FHOD3: variants seen among roughly 807,000 people sequenced by gnomAD.
FHOD3 encodes formin homology 2 domain containing 3, also known as FH1/FH2 domain-containing protein 3.
A neutral mutation model predicts 173.0 loss-of-function variants in FHOD3; 90 were observed. That is an observed-to-expected ratio of 0.52 (90% confidence interval 0.44 to 0.62). The LOEUF (loss-of-function observed/expected upper bound fraction) is 0.62. Among genes scored for constraint, FHOD3 ranks in the 20% least tolerant of loss-of-function variants. The pLI is 0.00. For synonymous variants in FHOD3, 828 were observed against 823.0 expected (o/e 1.01, Z -0.10); for missense variants, 1,945 against 2,034.7 (o/e 0.96, Z 0.85).
chr18:36,568,169 CA>C (rs111808600), intron 5 of FHOD3, among the ~76,000 whole-genome samples: 1,132 of 49,910 alleles, frequency 0.023, 14 homozygotes, highest in African/African-American at 0.058. Flanking sequence ...ACTAAAAATA[CA>C]AAAAAAAAAA....
At chr18:36,618,578 C>T (rs773509560) in intron 9 of FHOD3, among the ~76,000 whole-genome samples, 1 of 152,124 alleles carries the variant, frequency 6.6e-6, no homozygotes, top group Non-Finnish European at 1.5e-5. Context: ...TCCCAAAGTA[C>T]TAGGATTACA....
chr18:36,702,519 G>T (rs1383111454), intron 17 of FHOD3, among the ~76,000 whole-genome samples: 1 of 152,180 alleles, frequency 6.6e-6, no homozygotes, highest in East Asian at 1.9e-4. Context: ...TCTGAGCTGG[G>T]GAGGTCCCTG....
At chr18:36,560,029 C>T (rs987164865) in intron 5 of FHOD3, among the ~76,000 whole-genome samples, 35 of 152,182 alleles carry the variant, frequency 2.3e-4, no homozygotes, top group Non-Finnish European at 1.6e-4. Flanking sequence ...ACTCCACATG[C>T]AGCAGACTTT....
At chr18:36,334,842 G>A (rs1336226590) in intron 1 of FHOD3, among the ~76,000 whole-genome samples, 1 of 152,242 alleles carries the variant, frequency 6.6e-6, no homozygotes, top group Non-Finnish European at 1.5e-5. Flanking sequence ...GAGGGAAAGA[G>A]GGAATCGTCC....
At chr18:36,398,663 A>G (rs573694217) in intron 3 of FHOD3, among the ~76,000 whole-genome samples, 36 of 152,318 alleles carry the variant, frequency 2.4e-4, no homozygotes, top group Non-Finnish European at 4.3e-4. Context: ...TGCCCTGTGC[A>G]TGCCTAGGCA....
At chr18:36,379,063 C>T (rs929193006) in intron 3 of FHOD3, among the ~76,000 whole-genome samples, 1 of 152,122 alleles carries the variant, frequency 6.6e-6, no homozygotes, top group Non-Finnish European at 1.5e-5. Flanking sequence ...TGATATATAA[C>T]TCGGGATTGA....
chr18:36,419,063 A>G lies in FHOD3; in HGVS notation c.337+46319A>G, dbSNP rs188021946. ...TGTATGGTTCTAAAAAGAACTTACA[A>G]GGTTAAAATCATGGTCTATTACTTT... On this transcript the variant is annotated intron_variant, in intron 3 of 28. Coordinates refer to ENST00000590592, the MANE Select transcript of FHOD3 (RefSeq NM_001281740.3). 8.4e-3 allele frequency among the ~76,000 whole-genome samples: 1,281 copies of G among 151,762 alleles called. 14 individuals are homozygous for G. The highest frequency in any genetic ancestry group is 0.03 in the African/African-American group (1,237 of 41,100).
Position 36,442,082 on chromosome 18 carries a change from A to T in FHOD3, c.338-59850A>T, listed in dbSNP as rs375272082. On this transcript the variant is annotated intron_variant, in intron 3 of 28. Transcript: ENST00000590592. ...CACAATTTAGAAGTGTCATTGCCAA[A>T]GACTGGAATACTTAGGAACTTCCAG... Among the ~76,000 whole-genome samples, 305 of 152,330 alleles carry T rather than the reference A, an allele frequency of 2.0e-3. 4 individuals are homozygous for T. Among genetic ancestry groups the T allele is most frequent in the African/African-American group, 6.7e-3 (277 of 41,580 alleles).
In FHOD3 at chr18:36,747,019, G is replaced by A. The variant is rs16968267; in HGVS notation, c.4116G>A (p.Lys1372=). The A allele has an allele frequency of 2.9e-3, 4,733 of 1,613,978 alleles. 113 individuals are homozygous for A. In the African/African-American group the frequency reaches 0.056, roughly 19 times the overall value. The part of the protein sequence containing the change: ...RRCKASWDHL[K]AIAKHEMKPV... ...GCAAAGCTTCATGGGATCACCTCAAGGCAATTGCAAAACATGAAATGAAAC... is the reference window on the plus strand; with the variant it reads ...GCAAAGCTTCATGGGATCACCTCAAAGCAATTGCAAAACATGAAATGAAAC... Residue 1372 remains lysine (K), a synonymous_variant, in exon 24 of 29, where the codon AAG becomes AAA. Transcript: ENST00000590592.
chr18:36,605,897 A>T lies in FHOD3; in HGVS notation c.813+3129A>T, dbSNP rs73431692. Among the ~76,000 whole-genome samples the T allele has an allele frequency of 5.9e-3, 903 of 152,332 alleles. 4 individuals carry two copies. Among genetic ancestry groups the T allele is most frequent in the African/African-American group, 0.02 (816 of 41,582 alleles). ...AAATAAAGGCCCCTAATAACATGGA[A>T]TTTTTAAAAATGGACATTTCCATGA... On this transcript the variant is annotated intron_variant, in intron 8 of 28. Transcript: ENST00000590592.
chr18:36,654,373 C>T (rs9807317), intron 13 of FHOD3, among the ~76,000 whole-genome samples: 2,426 of 152,174 alleles, frequency 0.016, 64 homozygotes, highest in African/African-American at 0.055. Context: ...TTGAAGTTTC[C>T]CTCCAAGTTT....
chr18:36,467,460 A>C (rs961577631), intron 3 of FHOD3, among the ~76,000 whole-genome samples: 1 of 152,108 alleles, frequency 6.6e-6, no homozygotes, highest in African/African-American at 2.4e-5. Flanking sequence ...GAAGCTCTCC[A>C]GCTTGGGGTC....
At chr18:36,467,618 G>A (rs900954743) in intron 3 of FHOD3, among the ~76,000 whole-genome samples, 2 of 152,142 alleles carry the variant, frequency 1.3e-5, no homozygotes, top group African/African-American at 4.8e-5. Flanking sequence ...AGAGCTGGGT[G>A]AAAGGTCACA....
At chr18:36,443,850 T>G (rs996898107) in intron 3 of FHOD3, among the ~76,000 whole-genome samples, 1 of 152,224 alleles carries the variant, frequency 6.6e-6, no homozygotes, top group Non-Finnish European at 1.5e-5. Flanking sequence ...CCCTTTTATT[T>G]GTAGCTCCTC....
At chr18:36,683,002 T>C (rs866359195) in intron 15 of FHOD3, among the ~76,000 whole-genome samples, 1 of 152,238 alleles carries the variant, frequency 6.6e-6, no homozygotes, top group Admixed American at 6.5e-5. Context: ...ATGCCAAGTC[T>C]TTGAAATGCT....
intron 3 of FHOD3, among the ~76,000 whole-genome samples, chr18:36,464,358 C>T (rs1034744836): frequency 1.3e-5 from 2 of 152,114 alleles, no homozygotes; most frequent in South Asian, 2.1e-4. Context: ...AAAATTATTC[C>T]AGAAAATGCT....
intron 20 of FHOD3, among the ~76,000 whole-genome samples, chr18:36,738,225 A>G (rs1307510568): frequency 1.3e-5 from 2 of 152,210 alleles, no homozygotes; most frequent in Non-Finnish European, 2.9e-5. Flanking sequence ...TTATATATTC[A>G]CTGCTCAAGA....
intron 3 of FHOD3, among the ~76,000 whole-genome samples, chr18:36,396,154 A>G (rs1371938717): frequency 6.6e-6 from 1 of 151,942 alleles, no homozygotes; most frequent in Admixed American, 6.6e-5. Context: ...GTCCCTTGTT[A>G]TTTTTGCCTA....
intron 1 of FHOD3, among the ~76,000 whole-genome samples, chr18:36,353,436 T>G (rs2046222978): frequency 6.6e-6 from 1 of 152,230 alleles, no homozygotes; most frequent in Non-Finnish European, 1.5e-5. Flanking sequence ...TTTCTCTTGT[T>G]GAGGATAATA....
Sources: allele counts gnomAD v4.1 joint callset (sites outside exome capture counted in the v4.1 genomes callset), GRCh38; gene constraint gnomAD v4.1.1; transcripts MANE v1.5; gene names NCBI Gene and HGNC (gene_info 2026-07-23, HGNC 2026-07-21).